The following LRMDA variants were observed in gnomAD, a reference collection of about 807,000 sequenced individuals.
LRMDA encodes the protein leucine rich melanocyte differentiation associated, also known as leucine-rich melanocyte differentiation-associated protein.
Under a neutral mutation model 29.8 loss-of-function variants are expected in LRMDA, and 18 were observed. That is an observed-to-expected ratio of 0.60 (90% CI 0.42 to 0.90). The LOEUF (loss-of-function observed/expected upper bound fraction) is 0.90. Among genes scored for constraint, LRMDA ranks in the 40% least tolerant of loss-of-function variants. The pLI is 0.00. For synonymous variants in LRMDA, 125 were observed against 109.4 expected (o/e 1.14, Z -0.89); for missense variants, 273 against 273.9 (o/e 1.00, Z 0.02).
At chr10:76,385,835 T>C (rs1841652961) in intron 6 of LRMDA, among the ~76,000 whole-genome samples, 1 of 152,246 alleles carries the variant, frequency 6.6e-6, no homozygotes, top group African/African-American at 2.4e-5. Flanking sequence ...TAAGTTGACT[T>C]TAACCTATTG....
chr10:76,191,721 G>A (rs1049624915), intron 5 of LRMDA, among the ~76,000 whole-genome samples: 2 of 152,222 alleles, frequency 1.3e-5, no homozygotes, highest in Non-Finnish European at 2.9e-5. Flanking sequence ...TAAATCCCAT[G>A]AAGGGATTCC....
At chr10:76,083,129 A>G (rs1353655789) in intron 5 of LRMDA, among the ~76,000 whole-genome samples, 1 of 152,194 alleles carries the variant, frequency 6.6e-6, no homozygotes, top group East Asian at 1.9e-4. Context: ...TGTCCTTCCC[A>G]GGGCTAGCCA....
At chr10:75,865,840 C>T (rs900246798) in intron 2 of LRMDA, among the ~76,000 whole-genome samples, 6 of 152,062 alleles carry the variant, frequency 3.9e-5, no homozygotes, top group Non-Finnish European at 5.9e-5. Context: ...AAAGGTTATT[C>T]ACTGAAAGCT....
At chr10:76,160,258 G>T (rs766146056) in intron 5 of LRMDA, among the ~76,000 whole-genome samples, 10 of 150,964 alleles carry the variant, frequency 6.6e-5, no homozygotes, top group African/African-American at 9.8e-5. Flanking sequence ...AACATATTAG[G>T]GTGGTAGATT....
At chr10:75,629,770 A>G (rs1177107393) in intron 2 of LRMDA, among the ~76,000 whole-genome samples, 1 of 152,208 alleles carries the variant, frequency 6.6e-6, no homozygotes, top group African/African-American at 2.4e-5. Flanking sequence ...ATTTAATTCC[A>G]TCTCAGAAAA....
At position 76,074,806 on chromosome 10, in the gene LRMDA, G is replaced by C. The variant is rs377423611; in HGVS notation, c.516+16023G>C. Among the ~76,000 whole-genome samples, 17 of 152,234 alleles carry C rather than the reference G, an allele frequency of 1.1e-4. No homozygotes were observed. In the South Asian group the frequency reaches 1.9e-3, roughly 17 times the overall value. On this transcript the variant is annotated intron_variant, in intron 5 of 6. Transcript: ENST00000611255. ...TTATGGAAAGAATATTGGTTGAGGA[G>C]CTACATGTATTAGTCAGGGGAAACT...
At chr10:75,756,264 C>T (rs557041078) in intron 2 of LRMDA, among the ~76,000 whole-genome samples, 23 of 152,292 alleles carry the variant, frequency 1.5e-4, no homozygotes, top group African/African-American at 2.2e-4. Context: ...CAAAGTATTG[C>T]GTAGGACTTC....
chr10:75,910,964 A>G, intron 2 of LRMDA, among the ~76,000 whole-genome samples: 1 of 152,082 alleles, frequency 6.6e-6, no homozygotes, highest in Non-Finnish European at 1.5e-5. Context: ...CAATGGAGTA[A>G]TCTGGCATGA....
At chr10:76,435,755 G>A (rs1842238326) in intron 6 of LRMDA, among the ~76,000 whole-genome samples, 1 of 152,082 alleles carries the variant, frequency 6.6e-6, no homozygotes, top group Non-Finnish European at 1.5e-5. Context: ...AGTACCTTAG[G>A]CCATAGCAGT....
In LRMDA at chr10:76,412,371, C is replaced by T. The variant is rs535512734; in HGVS notation, c.601+87886C>T. 1.9e-3 allele frequency among the ~76,000 whole-genome samples: 293 copies of T among 152,272 alleles called. 1 individual carries two copies. Among genetic ancestry groups the T allele is most frequent in the Non-Finnish European group, 3.7e-4 (25 of 68,024 alleles). ...GATGGTGGACTCTTCTGATGTAAGA[C>T]TTCAGAAAGGAAGGCACACAACCTT... is the stretch of plus-strand genomic sequence containing the variant. On this transcript the variant is annotated intron_variant, in intron 6 of 6. Transcript: ENST00000611255.
intron 6 of LRMDA, among the ~76,000 whole-genome samples, chr10:76,411,797 G>A (rs1047622696): frequency 8.5e-5 from 13 of 152,210 alleles, no homozygotes; most frequent in Admixed American, 3.3e-4. Context: ...AAGCTTTGCC[G>A]GGGCCTCCCT....
At chr10:75,752,335 C>T (rs1842979382) in intron 2 of LRMDA, among the ~76,000 whole-genome samples, 1 of 151,706 alleles carries the variant, frequency 6.6e-6, no homozygotes, top group African/African-American at 2.4e-5. Flanking sequence ...CCTCAGCCTC[C>T]TGAGTAGCTG....
intron 2 of LRMDA, among the ~76,000 whole-genome samples, chr10:75,530,505 C>A (rs982815015): frequency 6.6e-6 from 1 of 152,172 alleles, no homozygotes; most frequent in African/African-American, 2.4e-5. Context: ...TGCTGCTGAC[C>A]TCAGTGTTGA....
At chr10:76,077,249 T>G (rs1848974967) in intron 5 of LRMDA, among the ~76,000 whole-genome samples, 1 of 152,144 alleles carries the variant, frequency 6.6e-6, no homozygotes, top group South Asian at 2.1e-4. Flanking sequence ...TCCTCCTACT[T>G]AGAGGTGATG....
chr10:75,995,703 T>C (rs936863634), intron 2 of LRMDA, among the ~76,000 whole-genome samples: 2 of 152,178 alleles, frequency 1.3e-5, no homozygotes, highest in Admixed American at 1.3e-4. Flanking sequence ...TTAGACATTA[T>C]TGTGAAGTTT....
chr10:76,422,126 A>T (rs944577853), intron 6 of LRMDA, among the ~76,000 whole-genome samples: 1 of 151,886 alleles, frequency 6.6e-6, no homozygotes, highest in African/African-American at 2.4e-5. Flanking sequence ...TCTCCTTGGC[A>T]TATCTTCAGT....
chr10:75,526,122 G>A (rs1415630448), intron 2 of LRMDA, among the ~76,000 whole-genome samples: 1 of 151,868 alleles, frequency 6.6e-6, no homozygotes, highest in Non-Finnish European at 1.5e-5. Flanking sequence ...CTGGAGTGCA[G>A]TGGTGTGATC....
intron 2 of LRMDA, among the ~76,000 whole-genome samples, chr10:75,884,663 G>T (rs549168916): frequency 1.3e-5 from 2 of 152,326 alleles, no homozygotes; most frequent in South Asian, 4.1e-4. Flanking sequence ...GCTGTTTAAA[G>T]AAGCAATGCA....
At chr10:76,182,913 T>C (rs1851080471) in intron 5 of LRMDA, among the ~76,000 whole-genome samples, 1 of 152,020 alleles carries the variant, frequency 6.6e-6, no homozygotes, top group South Asian at 2.1e-4. Flanking sequence ...AAAGTTGAAA[T>C]AGAGAAGGAC....
Sources: gnomAD v4.1 joint callset for allele counts (sites outside exome capture counted in the v4.1 genomes callset) on GRCh38, gnomAD v4.1.1 for gene constraint, MANE v1.5 for transcripts, NCBI Gene and HGNC (gene_info 2026-07-23, HGNC 2026-07-21) for gene names.